SLC30A8: variants seen among roughly 807,000 people sequenced by gnomAD.
SLC30A8 encodes proton-coupled zinc antiporter SLC30A8.
In SLC30A8, 27 loss-of-function variants were observed where a neutral mutation model predicts 36.9. The ratio of observed to expected loss-of-function variants is 0.73; its 90% CI spans 0.54 to 1.01. The LOEUF is 1.01. Ranked by LOEUF, SLC30A8 falls within the 50% of genes least tolerant of loss-of-function variation. The probability of loss-of-function intolerance (pLI) is 0.00; values close to 1 mark genes in which losing one functional copy is unlikely to be tolerated. For synonymous variants in SLC30A8, 164 were observed against 172.4 expected (o/e 0.95, Z 0.38); for missense variants, 439 against 452.0 (o/e 0.97, Z 0.26).
In SLC30A8 at chr8:117,000,264, G is replaced by A. The variant is rs140194999; in HGVS notation, c.-265-38955G>A. On this transcript the variant is annotated intron_variant, in intron 1 of 10. Transcript: ENST00000427715. ...TGTGGGCAGTGATGGGGGAGTGGGC[G>A]CAAATTCCTATGACCGAGTTGTCTG... Among the ~76,000 whole-genome samples, 608 of 152,222 alleles carry A rather than the reference G, an allele frequency of 4.0e-3. 3 individuals are homozygous for A. Among genetic ancestry groups the A allele is most frequent in the African/African-American group, 0.014 (576 of 41,536 alleles).
At chr8:117,158,224 C>A (rs970812683) in intron 4 of SLC30A8, among the ~76,000 whole-genome samples, 4 of 152,158 alleles carry the variant, frequency 2.6e-5, no homozygotes, top group African/African-American at 9.7e-5. Context: ...TTCGCAGACC[C>A]AGAATTGAGC....
chr8:117,152,611 G>A (rs953171340), intron 2 of SLC30A8, among the ~76,000 whole-genome samples: 9 of 152,050 alleles, frequency 5.9e-5, no homozygotes, highest in South Asian at 2.1e-4. Context: ...AATCTGACCC[G>A]CACTGCTTCA....
At chr8:117,075,878 G>A (rs150885343) in intron 2 of SLC30A8, among the ~76,000 whole-genome samples, 16 of 152,202 alleles carry the variant, frequency 1.1e-4, no homozygotes, top group Non-Finnish European at 2.2e-4. Flanking sequence ...TCTCTTCCCT[G>A]TACCCTCTGT....
At chr8:117,056,425 T>C (rs1817873163) in intron 2 of SLC30A8, among the ~76,000 whole-genome samples, 1 of 152,144 alleles carries the variant, frequency 6.6e-6, no homozygotes, top group Admixed American at 6.5e-5. Flanking sequence ...CCACTCCTCG[T>C]CCCTATTGTA....
intron 4 of SLC30A8, among the ~76,000 whole-genome samples, chr8:117,161,125 G>T (rs1309304997): frequency 6.6e-6 from 1 of 152,118 alleles, no homozygotes; most frequent in Non-Finnish European, 1.5e-5. Flanking sequence ...ACACATACAA[G>T]ATCATTTTTC....
intron 2 of SLC30A8, among the ~76,000 whole-genome samples, chr8:117,048,739 A>C (rs1817624356): frequency 6.6e-6 from 1 of 152,260 alleles, no homozygotes. Flanking sequence ...GTGCTCAACA[A>C]GTATTTGTTG....
chr8:116,964,377 C>T (rs1814528450), intron 1 of SLC30A8, among the ~76,000 whole-genome samples: 2 of 152,140 alleles, frequency 1.3e-5, no homozygotes, highest in Admixed American at 1.3e-4. Context: ...ATGTTTGCCA[C>T]GTTTTAACAG....
intron 2 of SLC30A8, among the ~76,000 whole-genome samples, chr8:117,152,361 T>C (rs1255477484): frequency 1.3e-5 from 2 of 152,162 alleles, no homozygotes; most frequent in Non-Finnish European, 2.9e-5. Context: ...CTATGCTTTA[T>C]TGGATTGTAG....
At chr8:117,102,085 G>A (rs1819749594) in intron 2 of SLC30A8, among the ~76,000 whole-genome samples, 2 of 151,900 alleles carry the variant, frequency 1.3e-5, no homozygotes, top group Admixed American at 1.3e-4. Flanking sequence ...CAACTTGTTC[G>A]GTTTTTTTAA....
chr8:117,055,662 T>G (rs1018695592), intron 2 of SLC30A8, among the ~76,000 whole-genome samples: 2 of 152,374 alleles, frequency 1.3e-5, no homozygotes, highest in South Asian at 2.1e-4. Flanking sequence ...GAACTTGTGG[T>G]CATTTGAACA....
At chr8:116,976,798 T>TATCTATC (rs1563730994) in intron 1 of SLC30A8, among the ~76,000 whole-genome samples, 3 of 125,524 alleles carry the variant, frequency 2.4e-5, no homozygotes, top group African/African-American at 1.0e-4. Context: ...CCCCTTTTAT[T>TATCTATC]TTTCTTTCTT....
At chr8:117,049,633 T>C (rs954538548) in intron 2 of SLC30A8, among the ~76,000 whole-genome samples, 2 of 152,244 alleles carry the variant, frequency 1.3e-5, no homozygotes, top group Admixed American at 6.5e-5. Flanking sequence ...CTGCCTGATA[T>C]GTGTTCCCAG....
At chr8:117,066,198 G>T (rs764354090) in intron 2 of SLC30A8, among the ~76,000 whole-genome samples, 8 of 152,186 alleles carry the variant, frequency 5.3e-5, no homozygotes, top group Non-Finnish European at 1.0e-4. Flanking sequence ...AATGCAAGTA[G>T]GCAAGCGCCT....
At chr8:116,992,303 C>T (rs1815671416) in intron 1 of SLC30A8, among the ~76,000 whole-genome samples, 1 of 152,040 alleles carries the variant, frequency 6.6e-6, no homozygotes, top group South Asian at 2.1e-4. Flanking sequence ...GAGCGAGTAA[C>T]TTGTATCAGA....
rs151275787 is a variant in SLC30A8, at chr8:117,063,254, A to C, written c.-226+23996A>C. Among the ~76,000 whole-genome samples, 210 of 152,208 alleles carry C rather than the reference A, an allele frequency of 1.4e-3. 2 individuals carry two copies. Among genetic ancestry groups the C allele is most frequent in the African/African-American group, 3.8e-3 (158 of 41,528 alleles). On this transcript the variant is annotated intron_variant, in intron 2 of 10. Coordinates refer to the SLC30A8 transcript ENST00000427715. ...AGTCTCTCTTGTTTTTTTCTTTAGCAGTTGCTAAATCTCTCTTTTATCGGG... is the reference window on the plus strand; with the variant it reads ...AGTCTCTCTTGTTTTTTTCTTTAGCCGTTGCTAAATCTCTCTTTTATCGGG...
chr8:116,952,840 CAAA>C (rs1814043018), intron 1 of SLC30A8, among the ~76,000 whole-genome samples: 1 of 125,604 alleles, frequency 8.0e-6, no homozygotes, highest in Non-Finnish European at 1.6e-5. Context: ...CCTATTATGA[CAAA>C]GAAGAATTTT....
chr8:116,965,663 T>G (rs1814576538), intron 1 of SLC30A8, among the ~76,000 whole-genome samples: 1 of 152,146 alleles, frequency 6.6e-6, no homozygotes, highest in Non-Finnish European at 1.5e-5. Flanking sequence ...TCTGAATTAG[T>G]TTAGTTTATT....
chr8:117,133,228 A>T (rs1168247922), upstream of SLC30A8, among the ~76,000 whole-genome samples: 2 of 151,928 alleles, frequency 1.3e-5, no homozygotes, highest in African/African-American at 4.8e-5. Flanking sequence ...AGGGGGTAGC[A>T]GTATTTTTTG....
At chr8:116,990,511 G>A (rs1222130380) in intron 1 of SLC30A8, among the ~76,000 whole-genome samples, 7 of 152,076 alleles carry the variant, frequency 4.6e-5, no homozygotes, top group African/African-American at 1.7e-4. Context: ...ATCAAATCTA[G>A]GAGAATTCTA....
Sources: allele counts gnomAD v4.1 joint callset (sites outside exome capture counted in the v4.1 genomes callset), GRCh38; gene constraint gnomAD v4.1.1; transcripts MANE v1.5; gene names NCBI Gene and HGNC (gene_info 2026-07-23, HGNC 2026-07-21).